Variants in RGS6 observed in about 807,000 individuals in gnomAD.
The protein encoded by RGS6 is regulator of G protein signaling 6.
Under a neutral mutation model 78.5 loss-of-function variants are expected in RGS6, and 30 were observed. The observed-to-expected ratio is 0.38, with a 90% confidence interval of 0.29 to 0.52. The LOEUF is 0.52. Ranked by LOEUF, RGS6 falls within the 20% of genes least tolerant of loss-of-function variation. The pLI is 0.85. For synonymous variants in RGS6, 206 were observed against 206.0 expected, an observed-to-expected ratio of 1.00 and a Z score of 0.00; for missense variants, 495 against 609.7, an observed-to-expected ratio of 0.81 and a Z score of 1.98.
chr14:72,390,254 C>A (rs553962096), intron 3 of RGS6, among the ~76,000 whole-genome samples: 2 of 152,004 alleles, frequency 1.3e-5, no homozygotes, highest in East Asian at 1.9e-4. Context: ...CATGCCACCA[C>A]GCCCAGTTAA....
chr14:72,242,454 T>C (rs560391677), intron 2 of RGS6, among the ~76,000 whole-genome samples: 6 of 152,302 alleles, frequency 3.9e-5, no homozygotes, highest in African/African-American at 1.4e-4. Context: ...TAAAATAACC[T>C]TTATAAAGAC....
chr14:72,136,788 TC>T lies in RGS6; in HGVS notation c.84+171914del, dbSNP rs373882582. 3.1e-3 allele frequency among the ~76,000 whole-genome samples: 469 copies of T among 152,288 alleles called. 1 individual carries two copies. The highest frequency in any genetic ancestry group is 0.01 in the African/African-American group (430 of 41,560). ...TTATTGAGCTTTTTTAGGGAAGTGG[TC>T]TTTGAACCTGTTTTGCTCTGCCCAC... is the stretch of plus-strand genomic sequence containing the variant. On this transcript the variant is annotated intron_variant, in intron 2 of 17. Coordinates refer to ENST00000553525, the MANE Select transcript of RGS6 (RefSeq NM_001204424.2).
intron 12 of RGS6, among the ~76,000 whole-genome samples, chr14:72,489,870 G>A (rs1042044314): frequency 6.6e-6 from 1 of 152,156 alleles, no homozygotes; most frequent in African/African-American, 2.4e-5. Flanking sequence ...AACCATTTGT[G>A]GTCATTTGTT....
chr14:72,288,536 G>C (rs1595359947), intron 2 of RGS6, among the ~76,000 whole-genome samples: 1 of 152,186 alleles, frequency 6.6e-6, no homozygotes, highest in Non-Finnish European at 1.5e-5. Context: ...GAGTTTGCCA[G>C]GTTAAAGAGG....
chr14:72,570,777 A>T (rs780266178), downstream of RGS6, among the ~76,000 whole-genome samples: 8 of 152,232 alleles, frequency 5.3e-5, no homozygotes, highest in Non-Finnish European at 1.5e-5. Context: ...TCAGCGAGAG[A>T]TCTAAATATT....
At chr14:72,122,055 G>A (rs2096065042) in intron 2 of RGS6, among the ~76,000 whole-genome samples, 2 of 152,154 alleles carry the variant, frequency 1.3e-5, no homozygotes, top group African/African-American at 2.4e-5. Flanking sequence ...CAAAATGTCA[G>A]TAGTGCCAAG....
chr14:72,493,119 C>T (rs2096599900), intron 12 of RGS6, among the ~76,000 whole-genome samples: 1 of 152,108 alleles, frequency 6.6e-6, no homozygotes, highest in Non-Finnish European at 1.5e-5. Context: ...CACTGAGCCG[C>T]CAAGCAGGTT....
At chr14:72,279,155 A>G (rs1957172754) in intron 2 of RGS6, among the ~76,000 whole-genome samples, 1 of 151,958 alleles carries the variant, frequency 6.6e-6, no homozygotes, top group African/African-American at 2.4e-5. Context: ...GACAGATGTA[A>G]ACTTTGAGAA....
At chr14:72,109,021 T>C (rs752979762) in intron 2 of RGS6, among the ~76,000 whole-genome samples, 2 of 152,190 alleles carry the variant, frequency 1.3e-5, no homozygotes, top group Non-Finnish European at 2.9e-5. Context: ...AGATGGATTT[T>C]TCTAACTTCA....
chr14:72,236,516 CT>C (rs1179518998), intron 2 of RGS6, among the ~76,000 whole-genome samples: 8 of 151,832 alleles, frequency 5.3e-5, no homozygotes, highest in South Asian at 4.2e-4. Context: ...TACAGACATT[CT>C]TTTTTTTTCT....
chr14:71,948,740 CTTT>C (rs71305831), intron 1 of RGS6, among the ~76,000 whole-genome samples: 16 of 65,168 alleles, frequency 2.5e-4, no homozygotes, highest in Admixed American at 1.2e-3. Context: ...CTCTCTCTCT[CTTT>C]TTTTTTTTTT....
In RGS6 at chr14:72,170,848, A is replaced by G. The variant is rs929003942; in HGVS notation, c.85-181247A>G. Among the ~76,000 whole-genome samples the G allele has an allele frequency of 4.6e-5, 7 of 152,276 alleles. No homozygotes were observed. In the East Asian group the frequency reaches 1.4e-3, roughly 29 times the overall value. On this transcript the variant is annotated intron_variant, in intron 2 of 17. Transcript: ENST00000553525. ...GATTTACTGATTTATATTTTTCCCT[A>G]TGGATCTGGAGATACAGGGTATTAA...
chr14:72,198,418 A>G (rs550768505), intron 2 of RGS6, among the ~76,000 whole-genome samples: 3 of 152,350 alleles, frequency 2.0e-5, no homozygotes, highest in African/African-American at 7.2e-5. Flanking sequence ...ACATTCAAAT[A>G]AATTAATTTA....
intron 2 of RGS6, among the ~76,000 whole-genome samples, chr14:72,251,599 A>C (rs2055797994): frequency 6.6e-6 from 1 of 152,220 alleles, no homozygotes; most frequent in Admixed American, 6.5e-5. Context: ...AATTAAGCAA[A>C]TTAACACAGG....
At chr14:72,507,684 A>AT (rs1456074634) in intron 13 of RGS6, among the ~76,000 whole-genome samples, 4 of 152,202 alleles carry the variant, frequency 2.6e-5, no homozygotes, top group African/African-American at 7.2e-5. Flanking sequence ...CCACTTGGGT[A>AT]CCAGAAAGGG....
chr14:72,146,698 T>G (rs1240949211), intron 2 of RGS6, among the ~76,000 whole-genome samples: 1 of 152,170 alleles, frequency 6.6e-6, no homozygotes. Flanking sequence ...GAGAATAATC[T>G]CCACACCCTT....
intron 3 of RGS6, among the ~76,000 whole-genome samples, chr14:72,445,045 G>A (rs2095328870): frequency 1.3e-5 from 2 of 152,346 alleles, no homozygotes; most frequent in East Asian, 3.9e-4. Flanking sequence ...CAGCCTGGAG[G>A]TAAAGAGCTG....
chr14:72,427,621 C>A (rs1187404221), intron 3 of RGS6, among the ~76,000 whole-genome samples: 1 of 152,060 alleles, frequency 6.6e-6, no homozygotes, highest in Admixed American at 6.5e-5. Flanking sequence ...AGGAGTCTTG[C>A]TTATCATCTC....
intron 2 of RGS6, among the ~76,000 whole-genome samples, chr14:72,163,622 C>T (rs750965632): frequency 5.3e-5 from 8 of 152,280 alleles, no homozygotes; most frequent in South Asian, 4.1e-4. Flanking sequence ...CAGTGGCTCA[C>T]GCCTGTAATC....
Sources: gnomAD v4.1 joint callset for allele counts (sites outside exome capture counted in the v4.1 genomes callset) on GRCh38, gnomAD v4.1.1 for gene constraint, MANE v1.5 for transcripts, NCBI Gene and HGNC (gene_info 2026-07-23, HGNC 2026-07-21) for gene names.